MUCL1: variants seen among roughly 807,000 people sequenced by gnomAD.
MUCL1 encodes mucin-like protein 1.
MUCL1 carries 11 observed loss-of-function variants against 9.2 expected under a neutral mutation model. The ratio of observed to expected loss-of-function variants is 1.19; its 90% CI spans 0.75 to 1.97. MUCL1 has a LOEUF of 1.97. Ranked by LOEUF, MUCL1 falls within the 30% of genes most tolerant of loss-of-function variation. The pLI is 0.00. For missense variants in MUCL1, 144 were observed against 110.9 expected (o/e 1.30, Z -1.34); for synonymous variants, 48 against 40.5 (o/e 1.19, Z -0.71).
At chr12:54,837,213 A>C (rs950037717), upstream of MUCL1, among the ~76,000 whole-genome samples, 1 of 151,840 alleles carries the variant, frequency 6.6e-6, no homozygotes, top group African/African-American at 2.4e-5. Context: ...GCTGCTGTCT[A>C]TTTCTTTTAT....
chr12:54,854,615 A>ACCC lies in MUCL1; in HGVS notation c.33_34insCCC (p.Gly11_Val12insPro), dbSNP rs2135946291. On this transcript the variant is annotated inframe_insertion, in exon 1 of 4. Coordinates refer to ENST00000308796, the MANE Select transcript of MUCL1 (RefSeq NM_058173.3). ...TCTTAGCAGTCCTGGTACTCTTGGGAGTTTCCATCTTTCTGGTCTCTGCCC... is the reference window on the plus strand; with the variant it reads ...TCTTAGCAGTCCTGGTACTCTTGGGACCCGTTTCCATCTTTCTGGTCTCTGCCC... 6.2e-7 allele frequency: 1 copy of ACCC among 1,613,418 alleles called. No individual in the cohort carries two copies. Among genetic ancestry groups the ACCC allele is most frequent in the African/African-American group, 1.3e-5 (1 of 74,986 alleles).
intron 1 of MUCL1, among the ~76,000 whole-genome samples, chr12:54,842,954 C>G (rs1034423821): frequency 1.3e-5 from 2 of 152,174 alleles, no homozygotes; most frequent in South Asian, 2.1e-4. Flanking sequence ...TGTTTAGATA[C>G]GTTTAGACAC....
upstream of MUCL1, among the ~76,000 whole-genome samples, chr12:54,835,599 T>C (rs1959191856): frequency 1.3e-5 from 1 of 77,632 alleles, no homozygotes; most frequent in Non-Finnish European, 2.4e-5. Context: ...CACTTTTTGA[T>C]GGGATTGTTT....
At chr12:54,840,364 A>G (rs1959204878) in intron 1 of MUCL1, among the ~76,000 whole-genome samples, 1 of 152,210 alleles carries the variant, frequency 6.6e-6, no homozygotes, top group Non-Finnish European at 1.5e-5. Context: ...GATGCAGACA[A>G]TGGTAATAGC....
At chr12:54,836,930 C>T (rs1320883850), upstream of MUCL1, among the ~76,000 whole-genome samples, 1 of 152,090 alleles carries the variant, frequency 6.6e-6, no homozygotes, top group Non-Finnish European at 1.5e-5. Flanking sequence ...TTTAATTCCA[C>T]TGTGGTCTGA....
intron 1 of MUCL1, among the ~76,000 whole-genome samples, chr12:54,847,765 T>A (rs915940053): frequency 1.3e-5 from 2 of 152,196 alleles, no homozygotes; most frequent in African/African-American, 2.4e-5. Context: ...CCATCGAAGG[T>A]GGCCTGAAGA....
chr12:54,840,676 C>T (rs540598760), intron 1 of MUCL1, among the ~76,000 whole-genome samples: 1 of 152,306 alleles, frequency 6.6e-6, no homozygotes, highest in African/African-American at 2.4e-5. Flanking sequence ...TCTGGCTATC[C>T]ATATGTGGGT....
chr12:54,836,919 GTT>G (rs1456195202), upstream of MUCL1, among the ~76,000 whole-genome samples: 1 of 152,006 alleles, frequency 6.6e-6, no homozygotes, highest in Non-Finnish European at 1.5e-5. Flanking sequence ...TTTATTTTTA[GTT>G]TAATTCCACT....
upstream of MUCL1, among the ~76,000 whole-genome samples, chr12:54,835,228 T>A (rs1053770818): frequency 6.6e-6 from 1 of 152,200 alleles, no homozygotes; most frequent in East Asian, 1.9e-4. Flanking sequence ...TACACGTATG[T>A]GTCTTTTTGA....
intron 1 of MUCL1, among the ~76,000 whole-genome samples, chr12:54,831,381 ATTAGT>A (rs1301368932): frequency 6.6e-6 from 1 of 152,114 alleles, no homozygotes; most frequent in Non-Finnish European, 1.5e-5. Context: ...GGTAAATAAG[ATTAGT>A]TTAATATTGT....
chr12:54,852,957 T>C (rs1293358462), upstream of MUCL1, among the ~76,000 whole-genome samples: 1 of 152,170 alleles, frequency 6.6e-6, no homozygotes, highest in Non-Finnish European at 1.5e-5. Context: ...TCATGGAAGA[T>C]ATGAGTTTAC....
chr12:54,855,441 ATGT>A, intron 2 of MUCL1: 1 of 361,060 alleles, frequency 2.8e-6, no homozygotes, highest in Non-Finnish European at 5.2e-6. Context: ...ATGAGGTCTG[ATGT>A]TGTAGCCTGA....
chr12:54,834,434 C>G (rs907560471), upstream of MUCL1, among the ~76,000 whole-genome samples: 1 of 152,042 alleles, frequency 6.6e-6, no homozygotes, highest in Non-Finnish European at 1.5e-5. Flanking sequence ...ATCCTCATCA[C>G]AAGCCATACT....
At chr12:54,831,520 A>T (rs1185630048) in intron 1 of MUCL1, among the ~76,000 whole-genome samples, 2 of 152,102 alleles carry the variant, frequency 1.3e-5, no homozygotes, top group Admixed American at 1.3e-4. Context: ...AAATAACTTG[A>T]GATGATGACT....
At chr12:54,857,084 G>A (rs1868306490) in intron 3 of MUCL1, among the ~76,000 whole-genome samples, 192 bp downstream of exon 3, 1 of 152,006 alleles carries the variant, frequency 6.6e-6, no homozygotes, top group African/African-American at 2.4e-5. Flanking sequence ...TGACTCCTAG[G>A]TTACCAATAT....
chr12:54,839,297 G>T (rs1200012901), upstream of MUCL1: 1 of 689,896 alleles, frequency 1.4e-6, no homozygotes, highest in Non-Finnish European at 2.6e-6. Context: ...AATGGTGGGG[G>T]TGTCTTGAAG....
chr12:54,852,703 C>T (rs991938485), upstream of MUCL1, among the ~76,000 whole-genome samples: 2 of 152,090 alleles, frequency 1.3e-5, no homozygotes, highest in Non-Finnish European at 2.9e-5. Context: ...ACACAGTGGG[C>T]TCTCAATAAG....
chr12:54,849,755 G>A (rs1048957610), upstream of MUCL1, among the ~76,000 whole-genome samples: 13 of 151,912 alleles, frequency 8.6e-5, no homozygotes, highest in Admixed American at 6.6e-4. Context: ...TTAGATCTGA[G>A]TATATTTTAT....
upstream of MUCL1, among the ~76,000 whole-genome samples, chr12:54,837,930 A>T (rs973343602): frequency 9.2e-5 from 14 of 152,254 alleles, no homozygotes; most frequent in Non-Finnish European, 2.1e-4. Flanking sequence ...ATTCATATAC[A>T]TATTTAACAT....
Sources: allele counts gnomAD v4.1 joint callset (sites outside exome capture counted in the v4.1 genomes callset), GRCh38; gene constraint gnomAD v4.1.1; transcripts MANE v1.5; gene names NCBI Gene and HGNC (gene_info 2026-07-23, HGNC 2026-07-21).